A1CF: variants seen among roughly 807,000 people sequenced by gnomAD.
A1CF encodes APOBEC1 complementation factor, also known as APOBEC-1 stimulating protein.
Under a neutral mutation model 68.9 loss-of-function variants are expected in A1CF, and 48 were observed. That is an observed-to-expected ratio of 0.70 (90% CI 0.55 to 0.89). A1CF has a LOEUF of 0.89. Among genes scored for constraint, A1CF ranks in the 40% least tolerant of loss-of-function variants. The pLI, the probability that A1CF is intolerant of heterozygous loss-of-function variation, is 0.00. For synonymous variants in A1CF, 272 were observed against 260.4 expected (o/e 1.04, Z -0.43); for missense variants, 653 against 718.9 (o/e 0.91, Z 1.05).
At chr10:50,852,410 G>T (rs545820229) in intron 3 of A1CF, among the ~76,000 whole-genome samples, 1 of 152,246 alleles carries the variant, frequency 6.6e-6, no homozygotes, top group South Asian at 2.1e-4. Flanking sequence ...TTCACACCAC[G>T]CTATGGCATC....
Position 50,811,067 on chromosome 10 carries a change from G to C in A1CF, c.1433C>G (p.Pro478Arg), listed in dbSNP as rs768940960. 2 of 1,613,428 alleles carry C rather than the reference G, an allele frequency of 1.2e-6. No individual in the cohort carries two copies. The highest frequency in any genetic ancestry group is 1.7e-6 in the Non-Finnish European group (2 of 1,179,576). ...TGCAGGATTCTGGCTGGCTAGAGCAGGAATAGTTATTTTGTACAAGAATAG... is the reference window on the plus strand; with the variant it reads ...TGCAGGATTCTGGCTGGCTAGAGCACGAATAGTTATTTTGTACAAGAATAG... Reference protein sequence around the residue: ...RQLFLYKITIPALASQNPAIH... With the variant: ...RQLFLYKITIRALASQNPAIH... Residue 478 changes from proline to arginine, a missense_variant, in exon 11 of 13, where the codon CCT (proline) becomes CGT (arginine). Pro to Arg is a moderately radical substitution (Grantham distance 103, BLOSUM62 -2). Transcript: ENST00000373997.
intron 7 of A1CF, among the ~76,000 whole-genome samples, chr10:50,827,552 G>A (rs1288324754): frequency 6.6e-6 from 1 of 152,200 alleles, no homozygotes; most frequent in Non-Finnish European, 1.5e-5. Context: ...ACAACGAAAT[G>A]AAGGTGGAAA....
At chr10:50,870,489 CT>C (rs1376711497) in intron 1 of A1CF, among the ~76,000 whole-genome samples, 1 of 151,704 alleles carries the variant, frequency 6.6e-6, no homozygotes, top group Non-Finnish European at 1.5e-5. Context: ...GATTCATAGA[CT>C]TTTAAAAAAG....
At chr10:50,817,666 G>T (rs1426797354) in intron 8 of A1CF, among the ~76,000 whole-genome samples, 3 of 152,168 alleles carry the variant, frequency 2.0e-5, no homozygotes, top group Admixed American at 1.3e-4. Context: ...GTCCAGTCTT[G>T]AGGAAGATGA....
Position 50,804,063 on chromosome 10 carries a change from C to CTTTCTATGTGTCTAAAAT in A1CF, c.*2665_*2666insATTTTAGACACATAGAAA, listed in dbSNP as rs1837718261. The CTTTCTATGTGTCTAAAAT allele has an allele frequency of 6.6e-6, 1 of 152,150 alleles. No individual in the cohort carries two copies. Among genetic ancestry groups the CTTTCTATGTGTCTAAAAT allele is most frequent in the Admixed American group, 6.5e-5 (1 of 15,280 alleles). 9.4% of individuals were successfully genotyped at this position (152,150 alleles called of 1,614,324 possible). A position where few individuals can be genotyped will look rare whatever the true frequency, so the allele number is the denominator to read the frequency against. On this transcript the variant is annotated 3_prime_UTR_variant, in exon 13 of 13. Transcript: ENST00000373997. The stretch of plus-strand genomic sequence containing the variant: ...ACATATGGCATGGTAGACACATTAA[C>CTTTCTATGTGTCTAAAAT]ACTTTCTATGAAGGTATTTTAATGG...
chr10:50,815,875 T>TAAA, intron 9 of A1CF, 131 bp downstream of exon 9: 1 of 1,048,176 alleles, frequency 9.5e-7, no homozygotes, highest in Non-Finnish European at 1.4e-6. Flanking sequence ...ATTGATATAA[T>TAAA]AGTTGATTTT....
chr10:50,812,515 A>G (rs1366773443), intron 10 of A1CF, among the ~76,000 whole-genome samples: 2 of 152,204 alleles, frequency 1.3e-5, no homozygotes, highest in African/African-American at 4.8e-5. Flanking sequence ...TTTTCATACT[A>G]TTGCAGCTCT....
At chr10:50,861,289 T>G (rs1286060841) in intron 2 of A1CF, among the ~76,000 whole-genome samples, 1 of 150,744 alleles carries the variant, frequency 6.6e-6, no homozygotes, top group Non-Finnish European at 1.5e-5. Flanking sequence ...TAAGACTACC[T>G]ACTAATATTA....
chr10:50,850,746 C>A, intron 3 of A1CF: 1 of 1,614,146 alleles, frequency 6.2e-7, no homozygotes, highest in South Asian at 1.1e-5. Flanking sequence ...TGCTCATGCT[C>A]GCTTCTGGCT....
At chr10:50,876,005 C>T (rs951496837) in intron 1 of A1CF, among the ~76,000 whole-genome samples, 2 of 152,184 alleles carry the variant, frequency 1.3e-5, no homozygotes, top group African/African-American at 4.8e-5. Flanking sequence ...TCAAGTCCAT[C>T]AGGTCTCCTA....
At chr10:50,875,382 T>C (rs913511238) in intron 1 of A1CF, among the ~76,000 whole-genome samples, 24 of 152,204 alleles carry the variant, frequency 1.6e-4, no homozygotes, top group African/African-American at 5.8e-4. Context: ...GACCACTGCA[T>C]GCATAAAACT....
chr10:50,813,878 T>C lies in A1CF; in HGVS notation c.1302A>G (p.Gln434=), dbSNP rs1838238120. The C allele has an allele frequency of 6.2e-7, 1 of 1,613,738 alleles. No individual in the cohort carries two copies. The highest frequency in any genetic ancestry group is 1.7e-5 in the Admixed American group (1 of 59,974). Residue 434 remains glutamine, a synonymous_variant, in exon 10 of 13, where the codon CAA becomes CAG. Transcript: ENST00000373997. ...CTACCTGGGGAGCGAGTTTAATTCC[T>C]TGGGGTTTTAATGTGACAGGATTCA... ...TPMNPVTLKP[Q]GIKLAPQILE... is the part of the protein sequence containing the mutation.
chr10:50,844,856 C>T (rs998264520), intron 3 of A1CF, among the ~76,000 whole-genome samples: 1 of 152,118 alleles, frequency 6.6e-6, no homozygotes, highest in African/African-American at 2.4e-5. Context: ...TGTTTAAATA[C>T]ACTGCTTTGT....
At chr10:50,814,092 T>C in intron 9 of A1CF, 54 bp from the exon 10 acceptor site, 1 of 1,592,698 alleles carries the variant, frequency 6.3e-7, no homozygotes. Flanking sequence ...TTAAACTGAA[T>C]CAAACCACCA....
At position 50,885,606 on chromosome 10, in the gene A1CF, C is replaced by T. The variant is rs917377861; in HGVS notation, c.-119G>A. On this transcript the variant is annotated 5_prime_UTR_variant, in exon 1 of 13. Coordinates refer to ENST00000373997, the MANE Select transcript of A1CF (RefSeq NM_014576.4). Reference sequence around the variant, plus strand: ...CTGAGTAATTTCAGAGATCCCCACCCGGAAAAGGTTTCCTTGATTATGGCG... The same window carrying T: ...CTGAGTAATTTCAGAGATCCCCACCTGGAAAAGGTTTCCTTGATTATGGCG... 4 of 152,118 alleles carry T rather than the reference C, an allele frequency of 2.6e-5. No individual in the cohort carries two copies. The highest frequency in any genetic ancestry group is 2.1e-4 in the South Asian group (1 of 4,830). 9.4% of individuals were successfully genotyped at this position (152,118 alleles called of 1,614,324 possible). A position where few individuals can be genotyped will look rare whatever the true frequency, so the allele number is the denominator to read the frequency against.
At chr10:50,841,820 C>A (rs745555340) in intron 5 of A1CF, 42 bp downstream of exon 5, 14 of 1,605,600 alleles carry the variant, frequency 8.7e-6, no homozygotes, top group Non-Finnish European at 1.2e-5. Context: ...GACACAGGTG[C>A]ATTGTTTGTT....
chr10:50,850,594 G>A (rs1243272430), intron 3 of A1CF: 3 of 1,104,620 alleles, frequency 2.7e-6, no homozygotes, highest in East Asian at 7.0e-5. Context: ...AAAAGCATTT[G>A]TGTGTGTGTG....
intron 12 of A1CF, among the ~76,000 whole-genome samples, chr10:50,809,496 A>G (rs1409532913): frequency 1.3e-5 from 2 of 152,184 alleles, no homozygotes; most frequent in African/African-American, 4.8e-5. Flanking sequence ...TGGTATCATG[A>G]GTATTACTAA....
Position 50,828,200 on chromosome 10 carries a change from A to T in A1CF, c.700T>A (p.Tyr234Asn). Residue 234 changes from tyrosine (Y) to asparagine (N), a missense_variant, in exon 7 of 13, where the codon TAT (tyrosine) becomes AAT (asparagine). Transcript: ENST00000373997. ...EDTMSSVKIL[Y>N]VRNLMLSTSE... Reference sequence around the variant, plus strand: ...GTAGACAGCATAAGATTTCTTACATATAGGATTTTCACTGAAGACATTGTA... The same window carrying T: ...GTAGACAGCATAAGATTTCTTACATTTAGGATTTTCACTGAAGACATTGTA... 6.2e-7 allele frequency: 1 copy of T among 1,609,638 alleles called. No homozygotes were observed. Among genetic ancestry groups the T allele is most frequent in the Non-Finnish European group, 8.5e-7 (1 of 1,176,886 alleles).
Sources: allele counts gnomAD v4.1 joint callset (sites outside exome capture counted in the v4.1 genomes callset), GRCh38; gene constraint gnomAD v4.1.1; transcripts MANE v1.5; gene names NCBI Gene and HGNC (gene_info 2026-07-23, HGNC 2026-07-21).